The following SLC16A3 variants were observed in gnomAD, a reference collection of about 807,000 sequenced individuals.
SLC16A3 encodes the protein solute carrier family 16 member 3.
Under a neutral mutation model 25.0 loss-of-function variants are expected in SLC16A3, and 22 were observed. That is an observed-to-expected ratio of 0.88 (90% confidence interval 0.63 to 1.26). SLC16A3 has a LOEUF of 1.26. SLC16A3 is among the 50% of genes most tolerant of loss of function. The pLI, the probability that SLC16A3 is intolerant of heterozygous loss-of-function variation, is 0.00. For synonymous variants in SLC16A3, 390 were observed against 309.2 expected, an observed-to-expected ratio of 1.26 and a Z score of -2.74; for missense variants, 731 against 666.6, an observed-to-expected ratio of 1.10 and a Z score of -1.06.
At chr17:82,218,823 C>T (rs118126964) in intron 1 of SLC16A3, among the ~76,000 whole-genome samples, 2,312 of 152,266 alleles carry the variant, frequency 0.015, 29 homozygotes, top group Middle Eastern at 0.027. Context: ...TCCCGAAGCC[C>T]GTCACTCACC....
intron 1 of SLC16A3, chr17:82,233,790 C>T (rs966192258): frequency 2.6e-5 from 4 of 152,282 alleles, no homozygotes; most frequent in South Asian, 2.1e-4. Flanking sequence ...CCCTGTGACC[C>T]GCAGTCTGCG....
intron 1 of SLC16A3, among the ~76,000 whole-genome samples, chr17:82,221,518 G>C (rs2050388793): frequency 6.6e-6 from 1 of 151,920 alleles, no homozygotes; most frequent in Non-Finnish European, 1.5e-5. Context: ...GCAGTGAGCT[G>C]AGAACGCACC....
At position 82,236,787 on chromosome 17, in the gene SLC16A3, G is replaced by T. The variant is rs1161155324; in HGVS notation, c.282G>T (p.Gly94=). The stretch of plus-strand genomic sequence containing the variant: ...GCTGCCGGCCCGTCATGCTTGTGGG[G>T]GGTCTCTTTGCGTCGCTGGGCATGG... ...RFGCRPVMLV[G]GLFASLGMVA... is the part of the protein sequence containing the mutation. Residue 94 remains glycine (G), a synonymous_variant, in exon 3 of 5, where the codon GGG becomes GGT. Coordinates refer to ENST00000582743, the MANE Select transcript of SLC16A3 (RefSeq NM_004207.4). The T allele has an allele frequency of 1.9e-6, 3 of 1,609,102 alleles. No homozygotes were observed. Among genetic ancestry groups the T allele is most frequent in the East Asian group, 2.2e-5 (1 of 44,878 alleles).
At chr17:82,224,911 C>T (rs1009287396), upstream of SLC16A3, among the ~76,000 whole-genome samples, 12 of 152,154 alleles carry the variant, frequency 7.9e-5, no homozygotes, top group African/African-American at 2.9e-4. Flanking sequence ...GGGTCAGGCC[C>T]CACTGGGCCA....
Position 82,229,622 on chromosome 17 carries a change from C to G in SLC16A3, c.-27+516C>G, listed in dbSNP as rs1354272891. 5 of 152,342 alleles carry G rather than the reference C, an allele frequency of 3.3e-5. No homozygotes were observed. The East Asian group carries it at 9.6e-4, about 29-fold the overall frequency. 9.4% of individuals were successfully genotyped at this position (152,342 alleles called of 1,614,324 possible). On this transcript the variant is annotated intron_variant, in intron 1 of 4. Coordinates refer to ENST00000582743, the MANE Select transcript of SLC16A3 (RefSeq NM_004207.4). ...ACCCACACCCGCCCTTGGGCAATGA[C>G]TAACAGCCCGAGACCGTGCAGGGAA... is the stretch of plus-strand genomic sequence containing the variant.
rs369313082 is a variant in SLC16A3, at chr17:82,239,014, C to T, written c.*38C>T. 6 of 1,486,250 alleles carry T rather than the reference C, an allele frequency of 4.0e-6. No homozygotes were observed. The African/African-American group carries it at 4.2e-5, about 10-fold the overall frequency. 92.1% of individuals were successfully genotyped at this position (1,486,250 alleles called of 1,614,324 possible). On this transcript the variant is annotated 3_prime_UTR_variant, in exon 5 of 5. Coordinates refer to ENST00000582743, the MANE Select transcript of SLC16A3 (RefSeq NM_004207.4). ...GGCCGGCAGGCACAGGGAGGAGGTACAGAAGCCGGCAACGCTTGCTATTTA... is the reference window on the plus strand; with the variant it reads ...GGCCGGCAGGCACAGGGAGGAGGTATAGAAGCCGGCAACGCTTGCTATTTA...
At chr17:82,238,139 G>A (rs948728745) in intron 4 of SLC16A3, among the ~76,000 whole-genome samples, 1 of 152,188 alleles carries the variant, frequency 6.6e-6, no homozygotes, top group East Asian at 1.9e-4. Flanking sequence ...GCCCGGGGGG[G>A]GGCAGCTCCT....
chr17:82,238,792 G>C lies in SLC16A3; in HGVS notation c.1214G>C (p.Gly405Ala). The C allele has an allele frequency of 2.5e-6, 4 of 1,612,840 alleles. No individual in the cohort carries two copies. Among genetic ancestry groups the C allele is most frequent in the Non-Finnish European group, 3.4e-6 (4 of 1,179,964 alleles). ...ACCTCCTCCCTGATTTTGCTGCTGG[G>C]CAACTTCTTCTGCATTAGGAAGAAG... ...VLTSSLILLL[G>A]NFFCIRKKPK... The change falls in exon 5 of 5, where the codon GGC becomes GCC. Residue 405 changes from glycine to alanine, a missense_variant. Coordinates refer to ENST00000582743, the MANE Select transcript of SLC16A3 (RefSeq NM_004207.4).
At chr17:82,219,049 C>T (rs532110864) in intron 1 of SLC16A3, among the ~76,000 whole-genome samples, 2 of 152,204 alleles carry the variant, frequency 1.3e-5, no homozygotes, top group African/African-American at 2.4e-5. Context: ...TTCGGGGTTA[C>T]CGTGAGAGGA....
intron 4 of SLC16A3, among the ~76,000 whole-genome samples, chr17:82,238,411 G>A (rs1166241976): frequency 6.6e-6 from 1 of 152,200 alleles, no homozygotes; most frequent in Non-Finnish European, 1.5e-5. Flanking sequence ...CCGACTGGAA[G>A]CCTCAGGGGG....
chr17:82,218,169 G>A (rs1215414546), exon 1 of SLC16A3, among the ~76,000 whole-genome samples: 1 of 152,196 alleles, frequency 6.6e-6, no homozygotes, highest in Admixed American at 6.5e-5. Flanking sequence ...GCAATGACAA[G>A]CTCTGGGTAA....
chr17:82,224,195 G>C (rs1198674563), upstream of SLC16A3, among the ~76,000 whole-genome samples: 2 of 75,994 alleles, frequency 2.6e-5, no homozygotes, highest in Non-Finnish European at 4.9e-5. Flanking sequence ...CCCGTGCACA[G>C]ACACCTGTGC....
exon 1 of SLC16A3, among the ~76,000 whole-genome samples, chr17:82,218,132 T>G (rs1328534943): frequency 6.6e-6 from 1 of 152,154 alleles, no homozygotes; most frequent in Non-Finnish European, 1.5e-5. Flanking sequence ...ATGCTCCAGG[T>G]TGAGACGTAG....
At chr17:82,238,137 G>T (rs368251242) in intron 4 of SLC16A3, among the ~76,000 whole-genome samples, 11 of 152,366 alleles carry the variant, frequency 7.2e-5, no homozygotes, top group South Asian at 4.1e-4. Context: ...GGGCCCGGGG[G>T]GGGGCAGCTC....
chr17:82,221,252 C>T (rs2050387503), intron 1 of SLC16A3, among the ~76,000 whole-genome samples: 1 of 152,116 alleles, frequency 6.6e-6, no homozygotes, highest in South Asian at 2.1e-4. Flanking sequence ...GAGTTTAATA[C>T]CCAGAACATG....
intron 1 of SLC16A3, among the ~76,000 whole-genome samples, chr17:82,223,145 C>T (rs541303063): frequency 1.8e-4 from 28 of 152,278 alleles, no homozygotes; most frequent in African/African-American, 6.3e-4. Flanking sequence ...CTACCGTAAC[C>T]GTGTGCTACA....
chr17:82,233,490 G>C (rs1056524917), intron 1 of SLC16A3, among the ~76,000 whole-genome samples: 13 of 152,124 alleles, frequency 8.5e-5, no homozygotes, highest in African/African-American at 3.1e-4. Flanking sequence ...GGTGGCCACT[G>C]TCCCCTGCCT....
chr17:82,236,237 G>C lies in SLC16A3; in HGVS notation c.223+6G>C. The C allele has an allele frequency of 6.2e-7, 1 of 1,611,904 alleles. No individual in the cohort carries two copies. Among genetic ancestry groups the C allele is most frequent in the Non-Finnish European group, 8.5e-7 (1 of 1,179,260 alleles). ...GGCCATGCTCTACGGGACAGGTGAG[G>C]GTGGCCTCACACCGGGCCCCCTGTC... On this transcript the variant is annotated splice_donor_region_variant and intron_variant, in intron 2 of 4. Coordinates refer to ENST00000582743, the MANE Select transcript of SLC16A3 (RefSeq NM_004207.4).
intron 2 of SLC16A3, chr17:82,236,450 C>T (rs202151394): frequency 4.6e-5 from 29 of 629,650 alleles, no homozygotes; most frequent in African/African-American, 1.1e-4. Context: ...CCAAACGGGT[C>T]GGCTGTATTT....
Sources: gnomAD v4.1 joint callset for allele counts (sites outside exome capture counted in the v4.1 genomes callset) on GRCh38, gnomAD v4.1.1 for gene constraint, MANE v1.5 for transcripts, NCBI Gene and HGNC (gene_info 2026-07-23, HGNC 2026-07-21) for gene names.